MAPK6: variants seen among roughly 807,000 people sequenced by gnomAD.
The protein encoded by MAPK6 is ERK-3.
Under a neutral mutation model 59.3 loss-of-function variants are expected in MAPK6, and 19 were observed. That is an observed-to-expected ratio of 0.32 (90% CI 0.22 to 0.47). MAPK6 has a LOEUF of 0.47. MAPK6 is among the 20% of genes least tolerant of loss of function. MAPK6 has a pLI of 1.00. For synonymous variants in MAPK6, 316 were observed against 290.3 expected, an observed-to-expected ratio of 1.09 and a Z score of -0.90; for missense variants, 724 against 847.9, an observed-to-expected ratio of 0.85 and a Z score of 1.81.
In MAPK6 at chr15:51,978,227, G is replaced by C. The variant is rs1349467542; in HGVS notation, c.-879-4979G>C. ...AGCTCACTGCAGCCTCCGTCTCCTG[G>C]GTTCAAGTGATTCTCCTGCCTCAGC... On this transcript the variant is annotated intron_variant, in intron 1 of 7. Transcript: ENST00000691380. Among the ~76,000 whole-genome samples the C allele has an allele frequency of 5.5e-4, 83 of 151,654 alleles. 6 individuals are homozygous for C. The highest frequency in any genetic ancestry group is 7.4e-5 in the Non-Finnish European group (5 of 67,902).
At chr15:51,997,591 T>TC (rs1491536619) in intron 2 of MAPK6, among the ~76,000 whole-genome samples, 1 of 123,208 alleles carries the variant, frequency 8.1e-6, no homozygotes, top group African/African-American at 3.6e-5. Context: ...TCTTTCTTTC[T>TC]TTTTTTTTTT....
intron 3 of MAPK6, among the ~76,000 whole-genome samples, chr15:52,006,397 G>A (rs1027739972): frequency 2.0e-5 from 3 of 152,148 alleles, no homozygotes; most frequent in Non-Finnish European, 2.9e-5. Context: ...GAAGAAAGTT[G>A]CTTTAAAAGT....
intron 3 of MAPK6, among the ~76,000 whole-genome samples, chr15:52,010,015 C>A (rs2030008688): frequency 1.3e-5 from 2 of 152,158 alleles, no homozygotes; most frequent in African/African-American, 4.8e-5. Context: ...TTGTGATCCA[C>A]CTGCCTCAGC....
intron 3 of MAPK6, among the ~76,000 whole-genome samples, chr15:52,014,121 ACT>A (rs2030167160): frequency 1.4e-5 from 2 of 147,474 alleles, no homozygotes; most frequent in African/African-American, 5.0e-5. Context: ...CAGCTCAAAT[ACT>A]CTCTCTCCCT....
chr15:52,014,949 C>T (rs2030191140), upstream of MAPK6, among the ~76,000 whole-genome samples: 1 of 152,190 alleles, frequency 6.6e-6, no homozygotes, highest in Non-Finnish European at 1.5e-5. Context: ...AATGATTTCA[C>T]TACTCACTAA....
intron 3 of MAPK6, among the ~76,000 whole-genome samples, chr15:52,013,111 C>G (rs2030139272): frequency 7.1e-6 from 1 of 140,732 alleles, no homozygotes; most frequent in Non-Finnish European, 1.5e-5. Flanking sequence ...AGAGAACTCT[C>G]TCAAGATTCC....
intron 1 of MAPK6, among the ~76,000 whole-genome samples, chr15:51,979,448 A>G (rs1457088525): frequency 6.6e-6 from 1 of 151,832 alleles, no homozygotes; most frequent in African/African-American, 2.4e-5. Flanking sequence ...GATACATGGT[A>G]AGGAGGAGGA....
At chr15:52,015,955 C>T (rs1429363870), upstream of MAPK6, among the ~76,000 whole-genome samples, 1 of 147,384 alleles carries the variant, frequency 6.8e-6, no homozygotes, top group Non-Finnish European at 1.5e-5. Context: ...TACTGGAAGG[C>T]TGAGACAGGA....
At position 52,050,038 on chromosome 15, in the gene MAPK6, C is replaced by A; in HGVS notation, c.601C>A (p.Arg201Ser). ...GGTTACTAAATGGTACAGATCTCCA[C>A]GTCTTTTACTTTCTCCTAATAATTA... Reference protein sequence around the residue: ...GLVTKWYRSPRLLLSPNNYTK... With the variant: ...GLVTKWYRSPSLLLSPNNYTK... Residue 201 changes from arginine to serine, a missense_variant, in exon 3 of 6, where the codon CGT becomes AGT. Coordinates refer to ENST00000261845, the MANE Select transcript of MAPK6 (RefSeq NM_002748.4). 1.2e-6 allele frequency: 2 copies of A among 1,612,062 alleles called. No homozygotes were observed. Among genetic ancestry groups the A allele is most frequent in the Non-Finnish European group, 1.7e-6 (2 of 1,179,144 alleles).
intron 3 of MAPK6, among the ~76,000 whole-genome samples, chr15:52,014,093 AC>A (rs559451867): frequency 2.1e-4 from 32 of 149,876 alleles, no homozygotes; most frequent in African/African-American, 1.7e-4. Flanking sequence ...TCCAGATACT[AC>A]CCGATGGAAT....
chr15:52,041,785 A>G (rs2031426420), intron 1 of MAPK6, among the ~76,000 whole-genome samples: 1 of 152,326 alleles, frequency 6.6e-6, no homozygotes, highest in East Asian at 1.9e-4. Flanking sequence ...TATGGCTACC[A>G]GGCACACACA....
chr15:52,002,791 A>G (rs1396859331), intron 2 of MAPK6, among the ~76,000 whole-genome samples: 4 of 152,210 alleles, frequency 2.6e-5, no homozygotes, highest in Non-Finnish European at 4.4e-5. Flanking sequence ...AGGCCTCAGG[A>G]GACTTACAAT....
chr15:51,976,858 C>T (rs562679365), intron 1 of MAPK6, among the ~76,000 whole-genome samples: 10 of 151,732 alleles, frequency 6.6e-5, no homozygotes, highest in Non-Finnish European at 1.5e-4. Context: ...GCAGGAGAAT[C>T]GCTTCAACCC....
intron 1 of MAPK6, among the ~76,000 whole-genome samples, chr15:52,040,575 C>T (rs1181266269): frequency 2.0e-5 from 3 of 152,156 alleles, no homozygotes; most frequent in African/African-American, 7.2e-5. Flanking sequence ...CCAAGTTGCT[C>T]CTTGATAAGA....
chr15:51,998,967 G>A (rs1372067250), intron 2 of MAPK6, among the ~76,000 whole-genome samples: 5 of 149,258 alleles, frequency 3.3e-5, no homozygotes, highest in African/African-American at 1.2e-4. Flanking sequence ...TGGGATTACA[G>A]GCAGGAGCCA....
Position 51,985,026 on chromosome 15 carries a change from C to A in MAPK6, c.-770+1711C>A, listed in dbSNP as rs1340412897. Among the ~76,000 whole-genome samples, 3 of 152,262 alleles carry A rather than the reference C, an allele frequency of 2.0e-5. No homozygotes were observed. In the East Asian group the frequency reaches 5.8e-4, roughly 29 times the overall value. ...AACCAAAGATTTTTAAAAGACTGTT[C>A]AAAGTCATGGGAAGATGCTTATAAC... On this transcript the variant is annotated intron_variant, in intron 2 of 7. Transcript: ENST00000691380.
At chr15:52,052,426 A>G (rs2031813240) in intron 3 of MAPK6, among the ~76,000 whole-genome samples, 1 of 152,244 alleles carries the variant, frequency 6.6e-6, no homozygotes, top group South Asian at 2.1e-4. Context: ...TAATTCACAT[A>G]TCATACAATT....
At chr15:52,026,558 C>T (rs2030785394) in intron 1 of MAPK6, among the ~76,000 whole-genome samples, 1 of 151,970 alleles carries the variant, frequency 6.6e-6, no homozygotes, top group Admixed American at 6.6e-5. Context: ...TCCCAAAGTG[C>T]AGGGATTACA....
chr15:52,062,633 C>T (rs1052645474), intron 5 of MAPK6, among the ~76,000 whole-genome samples: 3 of 152,034 alleles, frequency 2.0e-5, no homozygotes, highest in South Asian at 2.1e-4. Flanking sequence ...GGCTTGATGG[C>T]GGGCTCTTGT....
Sources: gnomAD v4.1 joint callset for allele counts (sites outside exome capture counted in the v4.1 genomes callset) on GRCh38, gnomAD v4.1.1 for gene constraint, MANE v1.5 for transcripts, NCBI Gene and HGNC (gene_info 2026-07-23, HGNC 2026-07-21) for gene names.